The following ADAMTS2 variants were observed in gnomAD, a reference collection of about 807,000 sequenced individuals.
ADAMTS2 encodes ADAM metallopeptidase with thrombospondin type 1 motif 2.
Under a neutral mutation model 123.0 loss-of-function variants are expected in ADAMTS2, and 50 were observed. The ratio of observed to expected loss-of-function variants is 0.41; its 90% CI spans 0.32 to 0.51. ADAMTS2 has a LOEUF of 0.51. ADAMTS2 is among the 20% of genes least tolerant of loss of function. The probability of loss-of-function intolerance (pLI) is 0.35; values close to 1 mark genes in which losing one functional copy is unlikely to be tolerated. For synonymous variants in ADAMTS2, 678 were observed against 695.4 expected (o/e 0.98, Z 0.39); for missense variants, 1,494 against 1,705.2 (o/e 0.88, Z 2.18).
intron 9 of ADAMTS2, 42 bp from the exon 10 acceptor site, chr5:179,152,297 A>C: frequency 6.3e-7 from 1 of 1,596,532 alleles, no homozygotes; most frequent in East Asian, 2.2e-5. Context: ...CTCCCACCTC[A>C]GGGACCTCCC....
At position 179,332,928 on chromosome 5, in the gene ADAMTS2, T is replaced by C. The variant is rs1199764750; in HGVS notation, c.534+10839A>G. 2.6e-5 allele frequency among the ~76,000 whole-genome samples: 4 copies of C among 152,120 alleles called. 1 individual carries two copies. Among genetic ancestry groups the C allele is most frequent in the African/African-American group, 4.8e-5 (2 of 41,428 alleles). On this transcript the variant is annotated intron_variant, in intron 2 of 21. Coordinates refer to ENST00000251582, the MANE Select transcript of ADAMTS2 (RefSeq NM_014244.5). This position sits in a 1 kb window ranked among gnomAD's most constrained non-coding sequence, Gnocchi z 4.2. ...CATGGAGCTCCAGGTGGCCGCCAAG[T>C]GTGGACAGCCCTGCAGCAAAGGCCA...
rs111594772 is a variant in ADAMTS2 at position 179,133,780 on chromosome 5, G to A, written c.2086-880C>T. 7.2e-3 allele frequency among the ~76,000 whole-genome samples: 1,077 copies of A among 150,588 alleles called. 13 individuals carry two copies. The highest frequency in any genetic ancestry group is 0.024 in the African/African-American group (1,002 of 40,900). ...TGTCGCCTAAGCTGGAGTCAGTGGC[G>A]CGATCTTGGCTCACTGCAGCCTCCG... On this transcript the variant is annotated intron_variant, in intron 13 of 21. Transcript: ENST00000251582.
rs1561800095 is a variant in ADAMTS2, at chr5:179,197,564, A to C, written c.891+9949T>G. The stretch of plus-strand genomic sequence containing the variant: ...TGCAGCATAGCATGAACCTGTCTCT[A>C]AAACAAATCTTTAAAAAATGAGTCA... On this transcript the variant is annotated intron_variant, in intron 4 of 21. Transcript: ENST00000251582. The surrounding 1 kb of genome is among the most constrained non-coding windows in gnomAD (Gnocchi z 4.2). Among the ~76,000 whole-genome samples, 1 of 152,094 alleles carries C rather than the reference A, an allele frequency of 6.6e-6. No homozygotes were observed. Among genetic ancestry groups the C allele is most frequent in the Non-Finnish European group, 1.5e-5 (1 of 68,014 alleles).
intron 3 of ADAMTS2, among the ~76,000 whole-genome samples, chr5:179,243,157 A>G (rs912457732): frequency 6.6e-6 from 1 of 152,096 alleles, no homozygotes; most frequent in Non-Finnish European, 1.5e-5. Flanking sequence ...CTGGAAAAAA[A>G]AAAAAAAAAT....
chr5:179,164,770 T>C lies in ADAMTS2; in HGVS notation c.976-5891A>G, dbSNP rs562971265. Among the ~76,000 whole-genome samples the C allele has an allele frequency of 1.6e-4, 24 of 152,280 alleles. No individual in the cohort carries two copies. In the South Asian group the frequency reaches 4.8e-3, roughly 30 times the overall value. ...CCATGGAGCACAGGTTCGAAAGGAC[T>C]GAAAACTGGCTGAAGTGGGTTTGCC... On this transcript the variant is annotated intron_variant, in intron 5 of 21. Coordinates refer to ENST00000251582, the MANE Select transcript of ADAMTS2 (RefSeq NM_014244.5).
Position 179,156,630 on chromosome 5 carries a change from T to C in ADAMTS2, c.1133-1711A>G, listed in dbSNP as rs183366746. On this transcript the variant is annotated intron_variant, in intron 6 of 21. Transcript: ENST00000251582. ...GCCTCGGCCTCCCACAGTGCTGGGA[T>C]TACAGGCGTGAGCCACCGCGCCCCG... is the stretch of plus-strand genomic sequence containing the variant. Among the ~76,000 whole-genome samples, 29 of 152,318 alleles carry C rather than the reference T, an allele frequency of 1.9e-4. No homozygotes were observed. The East Asian group carries it at 5.6e-3, about 29-fold the overall frequency.
chr5:179,209,004 A>G (rs1335903907), intron 3 of ADAMTS2, among the ~76,000 whole-genome samples: 2 of 151,472 alleles, frequency 1.3e-5, no homozygotes, highest in South Asian at 4.2e-4. Flanking sequence ...TTCACCCCCA[A>G]CGCCTCTCTC....
In ADAMTS2 at chr5:179,185,929, G is replaced by T. The variant is rs1764162047; in HGVS notation, c.892-4774C>A. Among the ~76,000 whole-genome samples, 1 of 152,008 alleles carries T rather than the reference G, an allele frequency of 6.6e-6. No homozygotes were observed. Among genetic ancestry groups the T allele is most frequent in the African/African-American group, 2.4e-5 (1 of 41,392 alleles). Reference sequence around the variant, plus strand: ...CCAGCAGGTAGCCAGGGAGAAGGAGGCCAGGCCGCAGCCAAGGCCCCCTCA... The same window carrying T: ...CCAGCAGGTAGCCAGGGAGAAGGAGTCCAGGCCGCAGCCAAGGCCCCCTCA... On this transcript the variant is annotated intron_variant, in intron 4 of 21. Transcript: ENST00000251582. The surrounding 1 kb of genome is among the most constrained non-coding windows in gnomAD (Gnocchi z 5.9).
intron 2 of ADAMTS2, among the ~76,000 whole-genome samples, chr5:179,295,065 C>G (rs960288929): frequency 6.6e-6 from 1 of 152,226 alleles, no homozygotes; most frequent in African/African-American, 2.4e-5. Context: ...CCTTGAGCAC[C>G]CTACTGGAGG....
intron 18 of ADAMTS2, 53 bp from the exon 19 acceptor site, chr5:179,125,233 G>A: frequency 3.2e-6 from 5 of 1,556,908 alleles, no homozygotes; most frequent in Non-Finnish European, 4.4e-6. Flanking sequence ...TGGAGAACCT[G>A]CCTGGCTGAG....
In ADAMTS2 at chr5:179,343,829, C is replaced by T. The variant is rs867168114; in HGVS notation, c.472G>A (p.Val158Ile). The T allele has an allele frequency of 6.2e-7, 1 of 1,609,066 alleles. No individual in the cohort carries two copies. Among genetic ancestry groups the T allele is most frequent in the Non-Finnish European group, 8.5e-7 (1 of 1,178,606 alleles). Residue 158 changes from valine (V) to isoleucine (I), a missense_variant, in exon 2 of 22, where the codon GTC becomes ATC. By Grantham distance (29) the Val-to-Ile change is conservative. Transcript: ENST00000251582. ...TCGGCTAGGCCGGCCACGTCTCCGA[C>T]GTAGAGACAGCTCCCGAGCAGGGGC... The part of the protein sequence containing the change: ...VEPLLGSCLY[V>I]GDVAGLAEAS...
At chr5:179,277,131 T>G (rs1030478973) in intron 2 of ADAMTS2, among the ~76,000 whole-genome samples, 1 of 151,860 alleles carries the variant, frequency 6.6e-6, no homozygotes, top group Non-Finnish European at 1.5e-5. Context: ...CACACTGGGG[T>G]CCATCTGAAG....
Position 179,256,359 on chromosome 5 carries a change from C to T in ADAMTS2, c.688+16552G>A, listed in dbSNP as rs1213471003. Among the ~76,000 whole-genome samples the T allele has an allele frequency of 6.6e-6, 1 of 152,152 alleles. No individual in the cohort carries two copies. Among genetic ancestry groups the T allele is most frequent in the East Asian group, 1.9e-4 (1 of 5,186 alleles). On this transcript the variant is annotated intron_variant, in intron 3 of 21. Coordinates refer to ENST00000251582, the MANE Select transcript of ADAMTS2 (RefSeq NM_014244.5). This position sits in a 1 kb window ranked among gnomAD's most constrained non-coding sequence, Gnocchi z 4.1. ...TGGAGCTTTGGGCCTGAGGCCTCAGCTGAGGCCAAGGCAGCAGGACTCATC... is the reference window on the plus strand; with the variant it reads ...TGGAGCTTTGGGCCTGAGGCCTCAGTTGAGGCCAAGGCAGCAGGACTCATC...
At chr5:179,320,024 G>A (rs1012938565) in intron 2 of ADAMTS2, among the ~76,000 whole-genome samples, 3 of 152,218 alleles carry the variant, frequency 2.0e-5, no homozygotes, top group African/African-American at 4.8e-5. Context: ...TGGAGCAGCC[G>A]GTGATCAGTC....
Position 179,130,756 on chromosome 5 carries a change from CAG to C in ADAMTS2, c.2291-660_2291-659del, listed in dbSNP as rs1183887537. Among the ~76,000 whole-genome samples, 3 of 152,248 alleles carry C rather than the reference CAG, an allele frequency of 2.0e-5. No homozygotes were observed. ...TGGGTGATGTGAGTGGGGCCGCAGA[CAG>C]GGCACTAGTGAGAAAATCATTCCCT... is the stretch of plus-strand genomic sequence containing the variant. On this transcript the variant is annotated intron_variant, in intron 15 of 21. Transcript: ENST00000251582. The surrounding 1 kb of genome is among the most constrained non-coding windows in gnomAD (Gnocchi z 4.3).
intron 2 of ADAMTS2, among the ~76,000 whole-genome samples, chr5:179,319,038 C>T (rs1430697015): frequency 1.3e-5 from 2 of 152,210 alleles, no homozygotes; most frequent in Non-Finnish European, 2.9e-5. Flanking sequence ...GGGTTCCCAA[C>T]AGCTATTCCC....
chr5:179,118,089 T>A lies in ADAMTS2; in HGVS notation c.3178+3572A>T, dbSNP rs1581134454. On this transcript the variant is annotated intron_variant, in intron 21 of 21. Transcript: ENST00000251582. The surrounding 1 kb of genome is among the most constrained non-coding windows in gnomAD (Gnocchi z 4.5). Reference sequence around the variant, plus strand: ...ACCTGGTCTACATACTGGACTTCTATGTCTGATTTTCTCCCCACAGTGGGC... The same window carrying A: ...ACCTGGTCTACATACTGGACTTCTAAGTCTGATTTTCTCCCCACAGTGGGC... Among the ~76,000 whole-genome samples, 2 of 152,156 alleles carry A rather than the reference T, an allele frequency of 1.3e-5. No homozygotes were observed. Among genetic ancestry groups the A allele is most frequent in the African/African-American group, 4.8e-5 (2 of 41,436 alleles).
chr5:179,278,172 GAGACCAAAGGCTGACCCCCCCA>G (rs1766796534), intron 2 of ADAMTS2, among the ~76,000 whole-genome samples: 2 of 100,810 alleles, frequency 2.0e-5, no homozygotes, highest in Non-Finnish European at 4.1e-5. Flanking sequence ...TGACCCCCCC[GAGACCAAAGGCTGACCCCCCCA>G]AGACCATCAG....
At chr5:179,226,345 C>A (rs1213863750) in intron 3 of ADAMTS2, among the ~76,000 whole-genome samples, 1 of 150,462 alleles carries the variant, frequency 6.6e-6, no homozygotes, top group Admixed American at 6.7e-5. Flanking sequence ...CAGCTCACTG[C>A]AACCACCGCC....
Sources: gnomAD v4.1 joint callset for allele counts (sites outside exome capture counted in the v4.1 genomes callset) on GRCh38, gnomAD v4.1.1 for gene constraint, Gnocchi (gnomAD v3.1) non-coding constraint, MANE v1.5 for transcripts, NCBI Gene and HGNC (gene_info 2026-07-23, HGNC 2026-07-21) for gene names.